HEYL: variants seen among roughly 807,000 people sequenced by gnomAD.
HEYL encodes hes related family bHLH transcription factor with YRPW motif like, also known as hairy/enhancer-of-split related with YRPW motif-like protein.
HEYL carries 12 observed loss-of-function variants against 18.6 expected under a neutral mutation model. The observed-to-expected ratio is 0.65, with a 90% CI of 0.41 to 1.05. HEYL has a LOEUF of 1.05. Ranked by LOEUF, HEYL falls within the 50% of genes least tolerant of loss-of-function variation. The pLI, the probability that HEYL is intolerant of heterozygous loss-of-function variation, is 0.00. For missense variants in HEYL, 420 were observed against 444.7 expected (o/e 0.94, Z 0.50); for synonymous variants, 159 against 179.6 (o/e 0.89, Z 0.91).
At position 39,630,266 on chromosome 1, in the gene HEYL, C is replaced by CCGTCAT; in HGVS notation, c.268_273dup (p.Met90_Thr91dup). ...GCATGGAGCATTTTCAAGTGATCCA[C>CCGTCAT]CGTCATCTGCAAGACCTCGGCTTTC... On this transcript the variant is annotated inframe_insertion, in exon 4 of 5. Coordinates refer to ENST00000372852, the MANE Select transcript of HEYL (RefSeq NM_014571.4). The CCGTCAT allele has an allele frequency of 6.2e-7, 1 of 1,614,118 alleles. No homozygotes were observed. Among genetic ancestry groups the CCGTCAT allele is most frequent in the Non-Finnish European group, 8.5e-7 (1 of 1,180,024 alleles).
intron 1 of HEYL, among the ~76,000 whole-genome samples, chr1:39,637,892 G>A (rs934182203): frequency 2.0e-5 from 3 of 152,116 alleles, no homozygotes; most frequent in African/African-American, 7.2e-5. Context: ...GTGTTTTTAT[G>A]ACCTGGCAGG....
chr1:39,627,021 G>T lies in HEYL; in HGVS notation c.473C>A (p.Ala158Asp). 1.2e-6 allele frequency: 2 copies of T among 1,614,178 alleles called. No homozygotes were observed. The highest frequency in any genetic ancestry group is 1.7e-6 in the Non-Finnish European group (2 of 1,180,000). Reference protein sequence around the residue: ...RLLSHLNSYAAEMEPSPTPTG... With the variant: ...RLLSHLNSYADEMEPSPTPTG... ...GGGCGTGGGCGAAGGCTCCATCTCGGCTGCGTAGCTGTTGAGGTGGGAGAG... is the reference window on the plus strand; with the variant it reads ...GGGCGTGGGCGAAGGCTCCATCTCGTCTGCGTAGCTGTTGAGGTGGGAGAG... The change falls in exon 5 of 5, where the codon GCC (alanine) becomes GAC (aspartate). Residue 158 changes from alanine to aspartate, a missense_variant. By Grantham distance (126) the Ala-to-Asp change is moderately radical. Transcript: ENST00000372852.
At chr1:39,635,433 A>T (rs914125914) in intron 1 of HEYL, among the ~76,000 whole-genome samples, 3 of 152,224 alleles carry the variant, frequency 2.0e-5, no homozygotes, top group Non-Finnish European at 4.4e-5. Flanking sequence ...CGCTGGGACC[A>T]TCTGTTGGAG....
In HEYL at chr1:39,623,674, G is replaced by C. The variant is rs1481525321; in HGVS notation, c.*2833C>G. 6.6e-6 allele frequency among the ~76,000 whole-genome samples: 1 copy of C among 152,238 alleles called. No individual in the cohort carries two copies. The highest frequency in any genetic ancestry group is 2.4e-5 in the African/African-American group (1 of 41,458). On this transcript the variant is annotated 3_prime_UTR_variant, in exon 5 of 5. Coordinates refer to ENST00000372852, the MANE Select transcript of HEYL (RefSeq NM_014571.4). Reference sequence around the variant, plus strand: ...GGAACTCCACAAGTAAAGTAGTCGAGGAAGGCCTCTTGGACGAGGCAACGT... The same window carrying C: ...GGAACTCCACAAGTAAAGTAGTCGACGAAGGCCTCTTGGACGAGGCAACGT...
At chr1:39,633,183 T>C (rs1646344604) in intron 1 of HEYL, 1 of 920,678 alleles carries the variant, frequency 1.1e-6, no homozygotes, top group African/African-American at 1.8e-5. Flanking sequence ...CGCCTGCAGC[T>C]GCCGCCTCCT....
intron 1 of HEYL, chr1:39,632,995 T>C: frequency 2.0e-6 from 2 of 976,440 alleles, no homozygotes; most frequent in Non-Finnish European, 2.4e-6. Flanking sequence ...CGCGGCGCGG[T>C]GGCTCCGGCT....
rs41264495 is a variant in HEYL, at chr1:39,624,371, C to T, written c.*2136G>A. On this transcript the variant is annotated 3_prime_UTR_variant, in exon 5 of 5. Coordinates refer to ENST00000372852, the MANE Select transcript of HEYL (RefSeq NM_014571.4). ...TGAAAGAGCTGGATCATTCCCATCT[C>T]ATTTCAGTGGCATCACAGATTCTTT... is the stretch of plus-strand genomic sequence containing the variant. The T allele has an allele frequency of 6.6e-6, 1 of 152,248 alleles. No homozygotes were observed. The highest frequency in any genetic ancestry group is 1.9e-4 in the East Asian group (1 of 5,200). 9.4% of individuals were successfully genotyped at this position (152,248 alleles called of 1,614,324 possible).
intron 1 of HEYL, among the ~76,000 whole-genome samples, chr1:39,635,260 A>G (rs1194939277): frequency 6.6e-6 from 1 of 152,232 alleles, no homozygotes; most frequent in Non-Finnish European, 1.5e-5. Context: ...CTTGAGATCT[A>G]TGGGGCAGCT....
chr1:39,639,550 G>C lies in HEYL; in HGVS notation c.76C>G (p.Leu26Val). 1 of 1,583,290 alleles carries C rather than the reference G, an allele frequency of 6.3e-7. No individual in the cohort carries two copies. The highest frequency in any genetic ancestry group is 8.6e-7 in the Non-Finnish European group (1 of 1,169,190). ...TCCCCGCATCCCGGCCCTTACCTCA[G>C]CTGGCCCTCTTGGCCCACGTCGATG... ...GPIDVGQEGQ[L>V]SQMARPLSTP... The change falls in exon 1 of 5, where the codon CTG (leucine) becomes GTG (valine). Residue 26 changes from leucine to valine, a missense_variant. By Grantham distance (32) the Leu-to-Val change is conservative. Transcript: ENST00000372852.
In HEYL at chr1:39,628,774, T is replaced by C. The variant is rs577971402; in HGVS notation, c.313+1453A>G. On this transcript the variant is annotated intron_variant, in intron 4 of 4. Transcript: ENST00000372852. ...CACCACACCCGGCTGATTTCTTTTT[T>C]TGTATTTTTAGTAGAGATGGGGTTT... is the stretch of plus-strand genomic sequence containing the variant. 5.4e-4 allele frequency among the ~76,000 whole-genome samples: 82 copies of C among 152,032 alleles called. 1 individual carries two copies. The highest frequency in any genetic ancestry group is 1.9e-3 in the African/African-American group (80 of 41,438).
intron 1 of HEYL, chr1:39,632,970 C>T: frequency 1.0e-6 from 1 of 982,564 alleles, no homozygotes; most frequent in Non-Finnish European, 1.2e-6. Flanking sequence ...CGGCGGCCGT[C>T]GGGGAACCGC....
At chr1:39,633,028 C>T (rs1221291767) in intron 1 of HEYL, 2 of 966,214 alleles carry the variant, frequency 2.1e-6, no homozygotes, top group Non-Finnish European at 2.5e-6. Flanking sequence ...TCCCCGGGGG[C>T]GGGGCGGGCG....
chr1:39,632,924 G>A, intron 1 of HEYL: 2 of 985,242 alleles, frequency 2.0e-6, no homozygotes, highest in Non-Finnish European at 1.2e-6. Context: ...GCTCGGCCTC[G>A]CCCTTCGCCC....
intron 1 of HEYL, 93 bp from the exon 2 acceptor site, chr1:39,632,808 C>T (rs1370110442): frequency 6.4e-7 from 1 of 1,566,286 alleles, no homozygotes; most frequent in Non-Finnish European, 8.6e-7. Flanking sequence ...ACAGGCTGGG[C>T]CTAGAAGGAG....
rs750259864 is a variant in HEYL at position 39,630,327 on chromosome 1, G to T, written c.232-19C>A. 30 of 1,600,046 alleles carry T rather than the reference G, an allele frequency of 1.9e-5. No individual in the cohort carries two copies. The South Asian group carries it at 3.1e-4, about 16-fold the overall frequency. ...AAGAGCCCTGCGGGTACAGAAGACA[G>T]AAGGGTGGAGCCTGCAGCTGACCAT... On this transcript the variant is annotated intron_variant, in intron 3 of 4. Coordinates refer to ENST00000372852, the MANE Select transcript of HEYL (RefSeq NM_014571.4).
chr1:39,625,159 G>C lies in HEYL; in HGVS notation c.*1348C>G, dbSNP rs1646288930. 1 of 152,264 alleles carries C rather than the reference G, an allele frequency of 6.6e-6. No individual in the cohort carries two copies. Among genetic ancestry groups the C allele is most frequent in the Non-Finnish European group, 1.5e-5 (1 of 68,126 alleles). 9.4% of individuals were successfully genotyped at this position (152,264 alleles called of 1,614,324 possible). On this transcript the variant is annotated 3_prime_UTR_variant, in exon 5 of 5. Coordinates refer to ENST00000372852, the MANE Select transcript of HEYL (RefSeq NM_014571.4). ...CTGGGGGAAGTGCCAGGCGGTGGGG[G>C]GCACCTGGAGTCACTTGGGGGAGTA...
intron 1 of HEYL, chr1:39,633,376 G>A (rs1265061166): frequency 6.6e-6 from 1 of 152,314 alleles, no homozygotes; most frequent in African/African-American, 2.4e-5. Flanking sequence ...CACACCCCAG[G>A]AGCTCCCATT....
intron 2 of HEYL, 34 bp from the exon 3 acceptor site, chr1:39,631,613 G>A: frequency 6.3e-7 from 1 of 1,580,354 alleles, no homozygotes; most frequent in Non-Finnish European, 8.7e-7. Flanking sequence ...ACTCACAGGT[G>A]TGTCATCACA....
intron 3 of HEYL, 49 bp from the exon 4 acceptor site, chr1:39,630,357 C>T (rs747798733): frequency 3.5e-6 from 5 of 1,418,992 alleles, no homozygotes; most frequent in East Asian, 2.3e-5. Flanking sequence ...GACCATGTAG[C>T]TGTGCGGTGT....
Sources: gnomAD v4.1 joint callset for allele counts (sites outside exome capture counted in the v4.1 genomes callset) on GRCh38, gnomAD v4.1.1 for gene constraint, MANE v1.5 for transcripts, NCBI Gene and HGNC (gene_info 2026-07-23, HGNC 2026-07-21) for gene names.